ADAMTSL3: variants seen among roughly 807,000 people sequenced by gnomAD.
ADAMTSL3 encodes the protein ADAMTS like 3.
A neutral mutation model predicts 201.7 loss-of-function variants in ADAMTSL3; 128 were observed. The ratio of observed to expected loss-of-function variants is 0.63; its 90% CI spans 0.55 to 0.73. ADAMTSL3 has a LOEUF of 0.73. Among genes scored for constraint, ADAMTSL3 ranks in the 30% least tolerant of loss-of-function variants. The probability of loss-of-function intolerance (pLI) is 0.00; values close to 1 mark genes in which losing one functional copy is unlikely to be tolerated. For synonymous variants in ADAMTSL3, 738 were observed against 748.4 expected, an observed-to-expected ratio of 0.99 and a Z score of 0.23; for missense variants, 1,990 against 2,119.6, an observed-to-expected ratio of 0.94 and a Z score of 1.20.
At chr15:83,659,383 CTTG>C (rs2141354396) in intron 2 of ADAMTSL3, among the ~76,000 whole-genome samples, 1 of 152,268 alleles carries the variant, frequency 6.6e-6, no homozygotes, top group African/African-American at 2.4e-5. Flanking sequence ...TCCCCTGGGT[CTTG>C]TTGGTGCATA....
intron 10 of ADAMTSL3, among the ~76,000 whole-genome samples, chr15:83,885,454 C>A (rs76700077): frequency 5.4e-5 from 8 of 148,590 alleles, no homozygotes; most frequent in East Asian, 4.0e-4. Context: ...AAAAAAAAAA[C>A]AAAACAAAAC....
At chr15:83,752,211 T>C (rs554095314) in intron 3 of ADAMTSL3, among the ~76,000 whole-genome samples, 4 of 152,300 alleles carry the variant, frequency 2.6e-5, no homozygotes, top group East Asian at 1.9e-4. Flanking sequence ...TTATATTCCT[T>C]CTTCTGTTAT....
chr15:83,678,751 AT>A (rs1448547918), intron 2 of ADAMTSL3, among the ~76,000 whole-genome samples: 1,953 of 143,630 alleles, frequency 0.014, 54 homozygotes, highest in African/African-American at 0.047. Flanking sequence ...TATATATATT[AT>A]ATATATATTG....
rs998499246 is a variant in ADAMTSL3, at chr15:84,038,952, G to C, written c.*1146G>C. The stretch of plus-strand genomic sequence containing the variant: ...CTTTAAGGGTTAGGGTTAGGACCAG[G>C]TTAGGTCAGGGTTGGATTGGGTTTA... On this transcript the variant is annotated 3_prime_UTR_variant, in exon 30 of 30. Transcript: ENST00000286744. 2 of 152,444 alleles carry C rather than the reference G, an allele frequency of 1.3e-5. No homozygotes were observed. The highest frequency in any genetic ancestry group is 3.9e-4 in the East Asian group (2 of 5,190). The allele number at this position is 152,444 out of a possible 1,614,324, so 9.4% of individuals were successfully genotyped here. A position where few individuals can be genotyped will look rare whatever the true frequency, so the allele number is the denominator to read the frequency against.
intron 4 of ADAMTSL3, among the ~76,000 whole-genome samples, chr15:83,787,528 T>C (rs2063283659): frequency 5.9e-5 from 9 of 152,216 alleles, no homozygotes; most frequent in Admixed American, 5.2e-4. Flanking sequence ...ACATCATTTT[T>C]TTCAACAATG....
chr15:83,663,012 G>C (rs192510339), intron 2 of ADAMTSL3, among the ~76,000 whole-genome samples: 1 of 152,096 alleles, frequency 6.6e-6, no homozygotes, highest in African/African-American at 2.4e-5. Context: ...ACTTGCTGCC[G>C]GGGTCTTCTC....
chr15:83,723,055 A>T (rs2062123076), intron 3 of ADAMTSL3, among the ~76,000 whole-genome samples: 1 of 152,208 alleles, frequency 6.6e-6, no homozygotes, highest in Non-Finnish European at 1.5e-5. Flanking sequence ...AAAGTAAGAT[A>T]ACATGTAATA....
At chr15:83,761,900 T>C (rs60826812) in intron 3 of ADAMTSL3, among the ~76,000 whole-genome samples, 1,644 of 152,222 alleles carry the variant, frequency 0.011, 27 homozygotes, top group African/African-American at 0.036. Flanking sequence ...CTGATTGCAT[T>C]AATAGGGAAA....
intron 15 of ADAMTSL3, among the ~76,000 whole-genome samples, chr15:83,902,589 C>T: frequency 6.6e-6 from 1 of 152,114 alleles, no homozygotes; most frequent in East Asian, 1.9e-4. Context: ...TCTTTCTTTG[C>T]AATGTTCAGA....
chr15:83,826,875 G>A (rs1202503299), intron 6 of ADAMTSL3, among the ~76,000 whole-genome samples: 2 of 151,914 alleles, frequency 1.3e-5, no homozygotes, highest in Non-Finnish European at 2.9e-5. Context: ...ATTCCATGGT[G>A]TATATGTGCC....
intron 23 of ADAMTSL3, among the ~76,000 whole-genome samples, chr15:83,996,712 C>T (rs1003242907): frequency 2.0e-4 from 25 of 125,528 alleles, no homozygotes; most frequent in African/African-American, 6.1e-4. Context: ...ACCCAGGAGG[C>T]GGAGGTTGCA....
intron 9 of ADAMTSL3, among the ~76,000 whole-genome samples, chr15:83,872,493 T>A (rs2065099291): frequency 6.6e-6 from 1 of 151,442 alleles, no homozygotes; most frequent in Admixed American, 6.6e-5. Flanking sequence ...CATAATTACC[T>A]TTTTTTTTAA....
chr15:83,957,603 A>T (rs1198717326), intron 19 of ADAMTSL3, among the ~76,000 whole-genome samples: 1 of 152,196 alleles, frequency 6.6e-6, no homozygotes, highest in East Asian at 1.9e-4. Context: ...ATGAGCAAAA[A>T]AGAGGAGTGT....
chr15:83,665,848 A>G (rs769606664), intron 2 of ADAMTSL3, among the ~76,000 whole-genome samples: 20 of 152,220 alleles, frequency 1.3e-4, no homozygotes, highest in Non-Finnish European at 2.2e-4. Flanking sequence ...ATTTACAAAT[A>G]AACGGTATTT....
At chr15:83,876,511 T>G (rs1163815669) in intron 9 of ADAMTSL3, among the ~76,000 whole-genome samples, 4 of 152,220 alleles carry the variant, frequency 2.6e-5, no homozygotes, top group African/African-American at 9.6e-5. Context: ...TTTACTGTAA[T>G]GTAGTTTATC....
intron 17 of ADAMTSL3, 78 bp downstream of exon 17, chr15:83,924,111 G>A (rs2066204099): frequency 1.3e-6 from 2 of 1,545,916 alleles, no homozygotes; most frequent in Middle Eastern, 1.7e-4. Flanking sequence ...CCACCTAAGT[G>A]CAGACTTGTG....
chr15:83,916,381 G>A (rs1430870196), intron 16 of ADAMTSL3, among the ~76,000 whole-genome samples: 1 of 152,060 alleles, frequency 6.6e-6, no homozygotes, highest in Admixed American at 6.6e-5. Context: ...TTATAGTTGA[G>A]GAAGCTGAGA....
At chr15:83,674,766 C>CATATATACATATATATATATAT (rs1555428954) in intron 2 of ADAMTSL3, among the ~76,000 whole-genome samples, 1 of 68,952 alleles carries the variant, frequency 1.5e-5, no homozygotes, top group Non-Finnish European at 2.8e-5. Flanking sequence ...CACATATATA[C>CATATATACATATATATATATAT]ATATATATAT....
At chr15:83,934,410 A>G (rs1278509998) in intron 17 of ADAMTSL3, among the ~76,000 whole-genome samples, 1 of 152,182 alleles carries the variant, frequency 6.6e-6, no homozygotes. Flanking sequence ...CTGTACCCCC[A>G]TTATATCTAG....
Sources: allele counts gnomAD v4.1 joint callset (sites outside exome capture counted in the v4.1 genomes callset), GRCh38; gene constraint gnomAD v4.1.1; transcripts MANE v1.5; gene names NCBI Gene and HGNC (gene_info 2026-07-23, HGNC 2026-07-21).